TMEM232: variants seen among roughly 807,000 people sequenced by gnomAD.
TMEM232 encodes the protein transmembrane protein 232.
TMEM232 carries 80 observed loss-of-function variants against 78.8 expected under a neutral mutation model. The observed-to-expected ratio is 1.01, with a 90% CI of 0.85 to 1.22. The LOEUF is 1.22. TMEM232 is among the 50% of genes most tolerant of loss of function. TMEM232 has a pLI of 0.00. For synonymous variants in TMEM232, 297 were observed against 254.3 expected, an observed-to-expected ratio of 1.17 and a Z score of -1.60; for missense variants, 881 against 742.2, an observed-to-expected ratio of 1.19 and a Z score of -2.17.
chr5:110,724,610 C>A (rs1797976674), intron 1 of TMEM232, among the ~76,000 whole-genome samples: 1 of 152,170 alleles, frequency 6.6e-6, no homozygotes. Flanking sequence ...ACGGCCACTG[C>A]CATGAGATTA....
intron 1 of TMEM232, among the ~76,000 whole-genome samples, chr5:110,695,618 G>A (rs1794676881): frequency 1.3e-5 from 2 of 151,830 alleles, no homozygotes; most frequent in Admixed American, 1.3e-4. Context: ...TGATAAAGGG[G>A]TAACACCACC....
At chr5:110,531,382 C>T (rs1322777505) in intron 11 of TMEM232, among the ~76,000 whole-genome samples, 1 of 152,202 alleles carries the variant, frequency 6.6e-6, no homozygotes, top group Non-Finnish European at 1.5e-5. Context: ...AGATCAATCC[C>T]CTGTCCTCCT....
intron 11 of TMEM232, among the ~76,000 whole-genome samples, chr5:110,557,476 G>A (rs1001682097): frequency 2.0e-5 from 3 of 152,114 alleles, no homozygotes; most frequent in South Asian, 2.1e-4. Flanking sequence ...CTGCTATAAC[G>A]AAATACCTGA....
At chr5:110,644,231 A>G (rs1787139977) in intron 2 of TMEM232, among the ~76,000 whole-genome samples, 1 of 151,918 alleles carries the variant, frequency 6.6e-6, no homozygotes, top group African/African-American at 2.4e-5. Context: ...TTGTTTCTCA[A>G]TAGTCATCTG....
chr5:110,430,254 A>G (rs977918856), intron 12 of TMEM232, among the ~76,000 whole-genome samples: 1 of 151,730 alleles, frequency 6.6e-6, no homozygotes, highest in Non-Finnish European at 1.5e-5. Flanking sequence ...TTATTGCTCA[A>G]AGTTTTCTCT....
intron 12 of TMEM232, among the ~76,000 whole-genome samples, chr5:110,481,912 C>A (rs1031444218): frequency 6.6e-6 from 1 of 152,130 alleles, no homozygotes; most frequent in African/African-American, 2.4e-5. Context: ...CAAAAAGAGA[C>A]AACTGGCTCT....
chr5:110,409,211 C>T (rs1755901540), intron 2 of TMEM232, among the ~76,000 whole-genome samples: 1 of 152,098 alleles, frequency 6.6e-6, no homozygotes, highest in South Asian at 2.1e-4. Context: ...TTATGTCCTG[C>T]TGTTGGTTTC....
At chr5:110,671,340 C>A (rs1791326113) in intron 1 of TMEM232, among the ~76,000 whole-genome samples, 1 of 152,242 alleles carries the variant, frequency 6.6e-6, no homozygotes, top group South Asian at 2.1e-4. Flanking sequence ...GACAGTGTGG[C>A]GATTCCTCAA....
At chr5:110,531,791 C>G (rs139443711) in intron 11 of TMEM232, among the ~76,000 whole-genome samples, 3 of 152,134 alleles carry the variant, frequency 2.0e-5, no homozygotes, top group African/African-American at 7.2e-5. Context: ...GTTCATGGCT[C>G]GTTTGGCAGC....
chr5:110,511,225 G>A lies in TMEM232; in HGVS notation c.1703+17363C>T, dbSNP rs1238998379. Among the ~76,000 whole-genome samples the A allele has an allele frequency of 3.3e-5, 5 of 152,130 alleles. 1 individual carries two copies. Among genetic ancestry groups the A allele is most frequent in the South Asian group, 2.1e-4 (1 of 4,814 alleles). ...AACCAAATACTGCATGTTCTCACTC[G>A]TAAGTGGGAGTTGAACAATGAGAGT... is the stretch of plus-strand genomic sequence containing the variant. On this transcript the variant is annotated intron_variant, in intron 12 of 13. Coordinates refer to ENST00000455884, the MANE Select transcript of TMEM232 (RefSeq NM_001039763.4).
chr5:110,727,369 T>TGGGAGGCCAAGGTGGGC (rs764651255), upstream of TMEM232, among the ~76,000 whole-genome samples: 6 of 152,220 alleles, frequency 3.9e-5, no homozygotes, highest in Non-Finnish European at 8.8e-5. Flanking sequence ...CCCAGCACTT[T>TGGGAGGCCAAGGTGGGC]GGGAGGCCAA....
chr5:110,603,146 T>TG (rs1304006151), intron 10 of TMEM232, among the ~76,000 whole-genome samples: 1 of 151,896 alleles, frequency 6.6e-6, no homozygotes, highest in Non-Finnish European at 1.5e-5. Context: ...TGTCAGGGGT[T>TG]GGGGGCAAGG....
chr5:110,657,737 G>A (rs1330331320), intron 2 of TMEM232, among the ~76,000 whole-genome samples: 1 of 152,112 alleles, frequency 6.6e-6, no homozygotes, highest in African/African-American at 2.4e-5. Flanking sequence ...ATAGCCAGAA[G>A]AAGAGATTTT....
intron 8 of TMEM232, among the ~76,000 whole-genome samples, chr5:110,611,567 A>G (rs1782283442): frequency 6.6e-6 from 1 of 152,088 alleles, no homozygotes; most frequent in South Asian, 2.1e-4. Flanking sequence ...GCTGGTGGTA[A>G]TTAATCCTAC....
chr5:110,651,702 CAG>C (rs1788330638), intron 2 of TMEM232, among the ~76,000 whole-genome samples: 1 of 151,970 alleles, frequency 6.6e-6, no homozygotes, highest in South Asian at 2.1e-4. Flanking sequence ...AGAGCAGAAA[CAG>C]GGGCACCAGC....
At chr5:110,416,636 A>G (rs1334286387), downstream of TMEM232, among the ~76,000 whole-genome samples, 2 of 152,224 alleles carry the variant, frequency 1.3e-5, no homozygotes, top group Non-Finnish European at 1.5e-5. Context: ...ACTAGAAGCA[A>G]TATGAAAAAG....
chr5:110,610,225 A>T lies in TMEM232; in HGVS notation c.903-3938T>A, dbSNP rs143457294. Among the ~76,000 whole-genome samples the T allele has an allele frequency of 8.8e-3, 1,231 of 140,168 alleles. 13 individuals are homozygous for T. The highest frequency in any genetic ancestry group is 0.015 in the Non-Finnish European group (957 of 65,470). The allele number at this position is 140,168 out of a possible 152,430, so 92.0% of individuals were successfully genotyped here. On this transcript the variant is annotated intron_variant, in intron 8 of 13. Transcript: ENST00000455884. ...AAGGAAGGAAGGAAGGAAGGGAGGGAGGGAAAAAGAAAGGAAGGAAGGGAG... is the reference window on the plus strand; with the variant it reads ...AAGGAAGGAAGGAAGGAAGGGAGGGTGGGAAAAAGAAAGGAAGGAAGGGAG...
At chr5:110,526,378 C>A (rs1770603412) in intron 12 of TMEM232, among the ~76,000 whole-genome samples, 1 of 149,900 alleles carries the variant, frequency 6.7e-6, no homozygotes, top group African/African-American at 2.4e-5. Flanking sequence ...AGACAAAAAT[C>A]CAGTAAAAAA....
At chr5:110,649,100 G>A (rs1230971099) in intron 2 of TMEM232, among the ~76,000 whole-genome samples, 5 of 151,832 alleles carry the variant, frequency 3.3e-5, no homozygotes, top group African/African-American at 9.7e-5. Flanking sequence ...CAATGTCAAG[G>A]GAATGAAAAA....
Sources: gnomAD v4.1 joint callset for allele counts (sites outside exome capture counted in the v4.1 genomes callset) on GRCh38, gnomAD v4.1.1 for gene constraint, MANE v1.5 for transcripts, NCBI Gene and HGNC (gene_info 2026-07-23, HGNC 2026-07-21) for gene names.